The following SCML2 variants were observed in gnomAD, a reference collection of about 807,000 sequenced individuals.
SCML2 encodes sex comb on midleg-like protein 2.
Under a neutral mutation model 48.4 loss-of-function variants are expected in SCML2, and 6 were observed. The observed-to-expected ratio is 0.12, with a 90% CI of 0.07 to 0.24. The LOEUF (loss-of-function observed/expected upper bound fraction) is 0.24. Among genes scored for constraint, SCML2 ranks in the 10% least tolerant of loss-of-function variants. SCML2 has a pLI of 1.00. For missense variants in SCML2, 377 were observed against 528.2 expected, an observed-to-expected ratio of 0.71 and a Z score of 2.81; for synonymous variants, 181 against 189.5, an observed-to-expected ratio of 0.95 and a Z score of 0.37.
At chrX:18,260,333 C>G in intron 8 of SCML2, 42 bp from the exon 9 acceptor site, 2 of 997,152 alleles carry the variant, frequency 2.0e-6, no homozygotes, top group Non-Finnish European at 2.7e-6. Context: ...ATACAATACT[C>G]ATTAATATAT....
At chrX:18,277,683 T>C (rs1927692384) in intron 7 of SCML2, among the ~76,000 whole-genome samples, 2 of 112,011 alleles carry the variant, frequency 1.8e-5, no homozygotes, top group Admixed American at 1.9e-4. Context: ...AACTTAAACA[T>C]AAAACAGAAT....
At chrX:18,337,767 T>C (rs775544356) in intron 1 of SCML2, among the ~76,000 whole-genome samples, 4 of 111,887 alleles carry the variant, frequency 3.6e-5, no homozygotes, top group South Asian at 3.7e-4. Flanking sequence ...TTGGATATAA[T>C]TGACATCTAG....
intron 7 of SCML2, among the ~76,000 whole-genome samples, chrX:18,274,267 CCCA>C (rs1217084144): frequency 8.9e-6 from 1 of 111,785 alleles, no homozygotes; most frequent in Non-Finnish European, 1.9e-5. Context: ...AAGCACTCGC[CCCA>C]GCTCCTGCAC....
intron 3 of SCML2, among the ~76,000 whole-genome samples, chrX:18,327,437 T>C (rs183920385): frequency 2.6e-4 from 29 of 111,730 alleles, no homozygotes; most frequent in African/African-American, 3.9e-4. Context: ...CATTAAGAAG[T>C]TGACACCCTG....
At chrX:18,318,739 T>C (rs1196479597) in intron 6 of SCML2, among the ~76,000 whole-genome samples, 1 of 112,015 alleles carries the variant, frequency 8.9e-6, no homozygotes, top group Non-Finnish European at 1.9e-5. Context: ...TAGCAATGAA[T>C]ATTTGCTTCC....
chrX:18,334,858 T>C, intron 1 of SCML2, among the ~76,000 whole-genome samples: 1 of 112,249 alleles, frequency 8.9e-6, no homozygotes, highest in Non-Finnish European at 1.9e-5. Flanking sequence ...GTGCCTGTAA[T>C]AAGAACATGA....
chrX:18,327,313 T>A lies in SCML2; in HGVS notation c.92-2336A>T, dbSNP rs189935215. Among the ~76,000 whole-genome samples, 515 of 110,888 alleles carry A rather than the reference T, an allele frequency of 4.6e-3. 5 individuals are homozygous for A. The highest frequency in any genetic ancestry group is 0.016 in the African/African-American group (484 of 30,466). ...CGGAAGGTGGAGGCGAAGGTTGCAG[T>A]GAGCCAAGATCGCGCCACTGCACTC... On this transcript the variant is annotated intron_variant, in intron 3 of 14. Transcript: ENST00000251900.
chrX:18,323,770 A>C (rs1288388431), intron 5 of SCML2, 89 bp downstream of exon 5: 2 of 690,025 alleles, frequency 2.9e-6, no homozygotes, highest in East Asian at 3.2e-5. Context: ...AGAATGCCCA[A>C]GAAAATAAAT....
At chrX:18,319,707 A>G (rs1181418994) in intron 6 of SCML2, among the ~76,000 whole-genome samples, 1 of 111,640 alleles carries the variant, frequency 9.0e-6, no homozygotes, top group Non-Finnish European at 1.9e-5. Context: ...TTACGAATTT[A>G]ATTGTATCAT....
At chrX:18,269,105 T>C (rs886551837) in intron 7 of SCML2, among the ~76,000 whole-genome samples, 1 of 112,242 alleles carries the variant, frequency 8.9e-6, no homozygotes, top group East Asian at 2.8e-4. Context: ...GCCCCTGTAA[T>C]AAACTTTTCT....
intron 1 of SCML2, among the ~76,000 whole-genome samples, chrX:18,337,603 G>A (rs1421225852): frequency 2.7e-5 from 3 of 110,831 alleles, no homozygotes. Flanking sequence ...TAACAAGAGA[G>A]CATCAAAATA....
At chrX:18,279,085 T>G (rs1222569276) in intron 7 of SCML2, among the ~76,000 whole-genome samples, 2 of 111,753 alleles carry the variant, frequency 1.8e-5, no homozygotes, top group Non-Finnish European at 3.8e-5. Flanking sequence ...CAGAGGGGGC[T>G]CCCCCAAGGC....
chrX:18,254,595 T>C (rs1488632659), intron 11 of SCML2, among the ~76,000 whole-genome samples: 2 of 112,383 alleles, frequency 1.8e-5, no homozygotes, highest in African/African-American at 6.5e-5. Flanking sequence ...TGAGGCTTTG[T>C]AAATTACTGG....
At chrX:18,264,524 T>C (rs1440134478) in intron 8 of SCML2, among the ~76,000 whole-genome samples, 5 of 109,213 alleles carry the variant, frequency 4.6e-5, no homozygotes, top group Non-Finnish European at 7.6e-5. Flanking sequence ...CACTTTAAAA[T>C]TTTTGTTTGC....
chrX:18,273,169 C>T (rs1323527425), intron 7 of SCML2, among the ~76,000 whole-genome samples: 1 of 111,301 alleles, frequency 9.0e-6, no homozygotes, highest in East Asian at 2.8e-4. Flanking sequence ...AGTAGTGTTC[C>T]TCATGATTGA....
chrX:18,291,773 TAAAC>T (rs947139071), intron 7 of SCML2, among the ~76,000 whole-genome samples: 2 of 111,750 alleles, frequency 1.8e-5, no homozygotes, highest in African/African-American at 3.2e-5. Flanking sequence ...ACATTCAAAA[TAAAC>T]AAAAATACAG....
At chrX:18,338,757 T>C (rs1476502848) in intron 1 of SCML2, among the ~76,000 whole-genome samples, 1 of 107,200 alleles carries the variant, frequency 9.3e-6, no homozygotes, top group African/African-American at 3.4e-5. Flanking sequence ...TACAAAAAAA[T>C]ACAAAAATTA....
rs756056865 is a variant in SCML2 at position 18,291,906 on chromosome X, T to TA, written c.730+13065dup. On this transcript the variant is annotated intron_variant, in intron 7 of 14. Coordinates refer to ENST00000251900, the MANE Select transcript of SCML2 (RefSeq NM_006089.3). ...GTCAATAAATAATATTTCTCTCAGT[T>TA]AAAAAAACTTTAACATTAAAAAGCA... Among the ~76,000 whole-genome samples the TA allele has an allele frequency of 2.7e-3, 296 of 111,621 alleles. 2 individuals carry two copies. The highest frequency in any genetic ancestry group is 9.3e-3 in the African/African-American group (287 of 30,831).
At chrX:18,312,978 CGTGTGTGTGTGTGTGTGTGT>C (rs72406000) in intron 6 of SCML2, among the ~76,000 whole-genome samples, 1 of 94,995 alleles carries the variant, frequency 1.1e-5, no homozygotes, top group Admixed American at 1.2e-4. Context: ...AATGGGTGTG[CGTGTGTGTGTGTGTGTGTGT>C]GTGTGTGTGC....
Sources: gnomAD v4.1 joint callset for allele counts (sites outside exome capture counted in the v4.1 genomes callset) on GRCh38, gnomAD v4.1.1 for gene constraint, MANE v1.5 for transcripts, NCBI Gene and HGNC (gene_info 2026-07-23, HGNC 2026-07-21) for gene names.